ASH1L: variants seen among roughly 807,000 people sequenced by gnomAD.
ASH1L encodes the protein ASH1 like histone lysine methyltransferase.
ASH1L carries 23 observed loss-of-function variants against 269.0 expected under a neutral mutation model. The ratio of observed to expected loss-of-function variants is 0.09; its 90% CI spans 0.06 to 0.12. The LOEUF (loss-of-function observed/expected upper bound fraction) is 0.12. ASH1L is among the 10% of genes least tolerant of loss of function. ASH1L has a pLI of 1.00. For synonymous variants in ASH1L, 1,187 were observed against 1,253.5 expected (o/e 0.95, Z 1.12); for missense variants, 2,912 against 3,567.8 (o/e 0.82, Z 4.68).
intron 4 of ASH1L, among the ~76,000 whole-genome samples, chr1:155,453,903 C>A (rs532522869): frequency 1.2e-4 from 18 of 152,252 alleles, no homozygotes; most frequent in Non-Finnish European, 2.2e-4. Context: ...GAGATCCAGA[C>A]CATCCTGGCT....
At chr1:155,381,264 G>C (rs1656917863) in intron 7 of ASH1L, among the ~76,000 whole-genome samples, 2 of 152,078 alleles carry the variant, frequency 1.3e-5, no homozygotes. Flanking sequence ...CTTATTAAAA[G>C]ACATCCTTGG....
chr1:155,469,534 C>A (rs1476442039), intron 3 of ASH1L, among the ~76,000 whole-genome samples: 1 of 152,180 alleles, frequency 6.6e-6, no homozygotes, highest in East Asian at 1.9e-4. Flanking sequence ...ACTGAATTCA[C>A]CATAAATATT....
intron 26 of ASH1L, 149 bp from the exon 27 acceptor site, chr1:155,338,539 A>G (rs1652508952): frequency 3.3e-6 from 2 of 607,670 alleles, no homozygotes; most frequent in Admixed American, 3.3e-5. Flanking sequence ...TTTTCACTTT[A>G]TATTATTTGA....
intron 2 of ASH1L, among the ~76,000 whole-genome samples, chr1:155,511,548 C>T (rs1668161210): frequency 6.6e-6 from 1 of 152,232 alleles, no homozygotes; most frequent in Non-Finnish European, 1.5e-5. Flanking sequence ...GTTTTTGAGA[C>T]AGGGTGGAGT....
intron 1 of ASH1L, among the ~76,000 whole-genome samples, chr1:155,524,441 G>C (rs756883612): frequency 2.7e-5 from 4 of 150,238 alleles, no homozygotes; most frequent in Admixed American, 6.7e-5. Context: ...AGAATGGCGT[G>C]AATCTGGGAG....
chr1:155,452,992 T>C (rs1663603116), intron 4 of ASH1L, among the ~76,000 whole-genome samples: 1 of 152,182 alleles, frequency 6.6e-6, no homozygotes, highest in Non-Finnish European at 1.5e-5. Context: ...TCTTAGGCCA[T>C]TTTTTTGGAG....
At chr1:155,449,594 A>C (rs1663319336) in intron 4 of ASH1L, among the ~76,000 whole-genome samples, 1 of 149,278 alleles carries the variant, frequency 6.7e-6, no homozygotes. Context: ...ATCTCGGCTC[A>C]CTGCCAGCTC....
rs546619701 is a variant in ASH1L, at chr1:155,366,862, G to C, written c.6686+3642C>G. ...AATTTTTGTATTTTAAGTAGAGACA[G>C]GGTTTCAGTCATCATGTTGGCTAGG... is the stretch of plus-strand genomic sequence containing the variant. On this transcript the variant is annotated intron_variant, in intron 12 of 27. Coordinates refer to ENST00000392403, the MANE Select transcript of ASH1L (RefSeq NM_018489.3). 6.6e-5 allele frequency among the ~76,000 whole-genome samples: 10 copies of C among 151,960 alleles called. No homozygotes were observed. The South Asian group carries it at 1.7e-3, about 25-fold the overall frequency.
At chr1:155,430,006 C>T (rs1016501120) in intron 5 of ASH1L, among the ~76,000 whole-genome samples, 2 of 151,376 alleles carry the variant, frequency 1.3e-5, no homozygotes, top group Admixed American at 6.6e-5. Flanking sequence ...GACAGAGTCT[C>T]ACTCTGTCGC....
chr1:155,352,404 T>G (rs1654013292), intron 17 of ASH1L, among the ~76,000 whole-genome samples: 1 of 151,990 alleles, frequency 6.6e-6, no homozygotes, highest in Non-Finnish European at 1.5e-5. Context: ...ATCTTACATC[T>G]TAGGGCAGTT....
intron 5 of ASH1L, among the ~76,000 whole-genome samples, chr1:155,416,862 T>TCCTTTCCTTCCTTCCCTC (rs1660250976): frequency 6.7e-6 from 1 of 150,336 alleles, no homozygotes; most frequent in African/African-American, 2.4e-5. Flanking sequence ...TTCCTTTTCT[T>TCCTTTCCTTCCTTCCCTC]CCTTTCCTTC....
intron 3 of ASH1L, among the ~76,000 whole-genome samples, chr1:155,469,342 C>T (rs1046014488): frequency 2.0e-5 from 3 of 152,116 alleles, no homozygotes; most frequent in Non-Finnish European, 4.4e-5. Flanking sequence ...GCCACCACGT[C>T]CGGCTATTAT....
At position 155,335,677 on chromosome 1, in the gene ASH1L, G is replaced by A. The variant is rs761441228; in HGVS notation, c.*1983C>T. 1 of 151,720 alleles carries A rather than the reference G, an allele frequency of 6.6e-6. No individual in the cohort carries two copies. Among genetic ancestry groups the A allele is most frequent in the Non-Finnish European group, 1.5e-5 (1 of 67,760 alleles). The allele number at this position is 151,720 out of a possible 1,614,324, so 9.4% of individuals were successfully genotyped here. ...ATTTGATTGTCTAAAAAACATTTCA[G>A]TTTTTTTTTAGTCTTTCAACAAAAG... On this transcript the variant is annotated 3_prime_UTR_variant, in exon 28 of 28. Transcript: ENST00000392403.
Position 155,562,342 on chromosome 1 carries a change from G to A in ASH1L, c.-289C>T, listed in dbSNP as rs781585220. On this transcript the variant is annotated 5_prime_UTR_variant, in exon 1 of 28. Coordinates refer to ENST00000392403, the MANE Select transcript of ASH1L (RefSeq NM_018489.3). ...AGAAGGGAAAGGTGGAAGGCTAAAG[G>A]GGGCAAACTGAGGGGAGGCGGGTCC... The A allele has an allele frequency of 1.0e-5, 16 of 1,552,214 alleles. 1 individual carries two copies. The highest frequency in any genetic ancestry group is 1.7e-4 in the Middle Eastern group (1 of 5,982).
At chr1:155,438,234 G>A in intron 5 of ASH1L, 93 bp downstream of exon 5, 1 of 1,305,094 alleles carries the variant, frequency 7.7e-7, no homozygotes, top group South Asian at 1.6e-5. Context: ...AAAATGAAAG[G>A]TTATAAGATG....
chr1:155,350,943 AG>A (rs1570967472), intron 17 of ASH1L, among the ~76,000 whole-genome samples: 1 of 147,914 alleles, frequency 6.8e-6, no homozygotes, highest in African/African-American at 2.5e-5. Flanking sequence ...AAAAAGAAAA[AG>A]AAAAAAAAAA....
At chr1:155,487,704 T>A (rs751269722) in intron 2 of ASH1L, among the ~76,000 whole-genome samples, 1 of 151,682 alleles carries the variant, frequency 6.6e-6, no homozygotes, top group Non-Finnish European at 1.5e-5. Flanking sequence ...TTAATCTGAA[T>A]GTTGGTTGTC....
chr1:155,355,919 T>G (rs1243880560), intron 15 of ASH1L, among the ~76,000 whole-genome samples: 3 of 151,982 alleles, frequency 2.0e-5, no homozygotes, highest in Non-Finnish European at 4.4e-5. Flanking sequence ...TATTCTGTTT[T>G]TTTTTTTTTT....
At chr1:155,509,627 T>C (rs1390717108) in intron 2 of ASH1L, among the ~76,000 whole-genome samples, 2 of 152,040 alleles carry the variant, frequency 1.3e-5, no homozygotes, top group African/African-American at 2.4e-5. Context: ...GAGGAAAGCC[T>C]GTCTCTACTA....
Sources: allele counts gnomAD v4.1 joint callset (sites outside exome capture counted in the v4.1 genomes callset), GRCh38; gene constraint gnomAD v4.1.1; transcripts MANE v1.5; gene names NCBI Gene and HGNC (gene_info 2026-07-23, HGNC 2026-07-21).